The following GSE1 variants were observed in gnomAD, a reference collection of about 807,000 sequenced individuals.
GSE1 encodes the protein Gse1 coiled-coil protein, also known as genetic suppressor element 1.
Under a neutral mutation model 112.6 loss-of-function variants are expected in GSE1, and 32 were observed. The observed-to-expected ratio is 0.28, with a 90% confidence interval of 0.21 to 0.38. The LOEUF is 0.38. GSE1 is among the 10% of genes least tolerant of loss of function. The probability of loss-of-function intolerance (pLI) is 1.00; values close to 1 mark genes in which losing one functional copy is unlikely to be tolerated. For synonymous variants in GSE1, 1,115 were observed against 735.6 expected, an observed-to-expected ratio of 1.52 and a Z score of -8.35; for missense variants, 2,348 against 1,699.2, an observed-to-expected ratio of 1.38 and a Z score of -6.71.
At chr16:85,350,530 G>T (rs1199389648) in intron 1 of GSE1, among the ~76,000 whole-genome samples, 2 of 152,202 alleles carry the variant, frequency 1.3e-5, no homozygotes, top group South Asian at 2.1e-4. Context: ...AGGGTGTGAG[G>T]GACACTGGAC....
At chr16:85,192,251 A>G (rs1397607914) in intron 1 of GSE1, among the ~76,000 whole-genome samples, 1 of 152,236 alleles carries the variant, frequency 6.6e-6, no homozygotes, top group Non-Finnish European at 1.5e-5. Flanking sequence ...CTGTAGAGCA[A>G]GATGCTGGGG....
At chr16:85,642,480 C>A (rs930577099) in intron 2 of GSE1, among the ~76,000 whole-genome samples, 1 of 152,178 alleles carries the variant, frequency 6.6e-6, no homozygotes, top group Non-Finnish European at 1.5e-5. Flanking sequence ...ACCTGGGGAC[C>A]CTCCTTCCAA....
At chr16:85,560,503 T>C (rs1222745663) in intron 1 of GSE1, among the ~76,000 whole-genome samples, 1 of 152,144 alleles carries the variant, frequency 6.6e-6, no homozygotes, top group Non-Finnish European at 1.5e-5. Flanking sequence ...AGCGTCTGCC[T>C]CTTAGTGCTT....
intron 2 of GSE1, among the ~76,000 whole-genome samples, chr16:85,426,008 C>G (rs1428463207): frequency 1.1e-5 from 1 of 89,464 alleles, no homozygotes; most frequent in Non-Finnish European, 2.8e-5. Flanking sequence ...AACCACCACT[C>G]TCTAAGAATG....
intron 1 of GSE1, among the ~76,000 whole-genome samples, chr16:85,618,240 C>G (rs1345500948): frequency 1.3e-5 from 2 of 152,004 alleles, no homozygotes; most frequent in East Asian, 1.9e-4. Flanking sequence ...TGACATAGAT[C>G]CTTCCACTTT....
chr16:85,218,975 G>T (rs938761794), intron 1 of GSE1, among the ~76,000 whole-genome samples: 1 of 152,148 alleles, frequency 6.6e-6, no homozygotes, highest in South Asian at 2.1e-4. Flanking sequence ...CACCTCCCGG[G>T]TTCACACCAT....
intron 2 of GSE1, among the ~76,000 whole-genome samples, chr16:85,417,853 C>G (rs546739054): frequency 1.1e-3 from 162 of 152,232 alleles, no homozygotes; most frequent in Non-Finnish European, 1.6e-3. Flanking sequence ...TTTTCTTTTT[C>G]TTTTGAGATG....
chr16:85,290,067 T>C (rs2326521), intron 1 of GSE1, among the ~76,000 whole-genome samples: 107,536 of 152,060 alleles, frequency 0.71, 39,150 homozygotes, highest in African/African-American at 0.9. Flanking sequence ...AGTGAGACGA[T>C]GCCTCTTCCC....
chr16:85,560,248 G>A (rs747956683), intron 1 of GSE1, among the ~76,000 whole-genome samples: 11 of 148,946 alleles, frequency 7.4e-5, no homozygotes, highest in Non-Finnish European at 1.6e-4. Flanking sequence ...CGATTGTCCT[G>A]CCTCAGCCTC....
intron 2 of GSE1, among the ~76,000 whole-genome samples, chr16:85,495,698 T>G (rs531652591): frequency 1.3e-5 from 2 of 152,052 alleles, no homozygotes; most frequent in African/African-American, 4.8e-5. Context: ...GGTTTCACTG[T>G]GTTGGCCAGG....
intron 2 of GSE1, among the ~76,000 whole-genome samples, chr16:85,360,580 G>A (rs1053360328): frequency 1.1e-4 from 17 of 152,178 alleles, no homozygotes; most frequent in African/African-American, 4.1e-4. Flanking sequence ...CCGGCAGGCG[G>A]GCGGGCGCTG....
chr16:85,610,680 G>GC (rs1269893993), upstream of GSE1, among the ~76,000 whole-genome samples: 1 of 152,104 alleles, frequency 6.6e-6, no homozygotes, highest in Non-Finnish European at 1.5e-5. Context: ...GCTCGCTGCT[G>GC]CCCCCCGGCG....
chr16:85,220,329 T>C (rs1165124716), intron 1 of GSE1, among the ~76,000 whole-genome samples: 1 of 152,164 alleles, frequency 6.6e-6, no homozygotes, highest in Non-Finnish European at 1.5e-5. Flanking sequence ...CCGGACCACA[T>C]GTTGCCAGGA....
At position 85,365,917 on chromosome 16, in the gene GSE1, A is replaced by G. The variant is rs56663301; in HGVS notation, c.2464+8274A>G. ...CGCCTCCCTGTGCCTCAGTTTCCCC[A>G]TGTGTCAAACGGGGATGACGGGGTT... On this transcript the variant is annotated intron_variant, in intron 2 of 2. Coordinates refer to the GSE1 transcript ENST00000637419. Among the ~76,000 whole-genome samples the G allele has an allele frequency of 4.1e-3, 624 of 152,244 alleles. 5 individuals are homozygous for G. The highest frequency in any genetic ancestry group is 0.015 in the African/African-American group (609 of 41,548).
intron 1 of GSE1, among the ~76,000 whole-genome samples, chr16:85,221,734 T>C (rs1440105079): frequency 1.3e-5 from 2 of 152,120 alleles, no homozygotes; most frequent in African/African-American, 4.8e-5. Context: ...AGAGGCCCAC[T>C]TTCCTTCATG....
At chr16:85,602,230 TG>T (rs1457934583) in intron 1 of GSE1, among the ~76,000 whole-genome samples, 1 of 151,746 alleles carries the variant, frequency 6.6e-6, no homozygotes, top group Non-Finnish European at 1.5e-5. Context: ...GGGGGTTGCC[TG>T]GAGGCCGAGG....
At chr16:85,434,336 A>ATCATC (rs1555511285) in intron 2 of GSE1, among the ~76,000 whole-genome samples, 43 of 113,300 alleles carry the variant, frequency 3.8e-4, no homozygotes, top group East Asian at 2.6e-3. Flanking sequence ...TAATAATAAT[A>ATCATC]ATAATAATAA....
At chr16:85,319,495 G>A (rs981968496) in intron 1 of GSE1, among the ~76,000 whole-genome samples, 2 of 152,180 alleles carry the variant, frequency 1.3e-5, no homozygotes, top group African/African-American at 4.8e-5. Context: ...GGTGGCGAGC[G>A]TCGGGCTGAT....
intron 2 of GSE1, among the ~76,000 whole-genome samples, chr16:85,480,083 G>A (rs1346440157): frequency 2.0e-5 from 3 of 152,176 alleles, no homozygotes; most frequent in African/African-American, 7.2e-5. Flanking sequence ...TGAAATCACT[G>A]ACTCTCACAA....
Sources: allele counts gnomAD v4.1 joint callset (sites outside exome capture counted in the v4.1 genomes callset), GRCh38; gene constraint gnomAD v4.1.1; transcripts MANE v1.5; gene names NCBI Gene and HGNC (gene_info 2026-07-23, HGNC 2026-07-21).